Variants in ZFAT observed in about 807,000 individuals in gnomAD.
ZFAT encodes zinc finger and AT-hook domain containing.
In ZFAT, 64 loss-of-function variants were observed where a neutral mutation model predicts 117.7. That is an observed-to-expected ratio of 0.54 (90% CI 0.44 to 0.67). The LOEUF (loss-of-function observed/expected upper bound fraction) is 0.67, where lower values mean the gene tolerates loss of function less well. ZFAT is among the 30% of genes least tolerant of loss of function. The probability of loss-of-function intolerance (pLI) is 0.00; values close to 1 mark genes in which losing one functional copy is unlikely to be tolerated. For missense variants in ZFAT, 1,433 were observed against 1,584.5 expected (o/e 0.90, Z 1.62); for synonymous variants, 679 against 615.0 (o/e 1.10, Z -1.54).
intron 3 of ZFAT, among the ~76,000 whole-genome samples, chr8:134,616,210 T>C (rs1204464440): frequency 6.6e-6 from 1 of 152,196 alleles, no homozygotes; most frequent in African/African-American, 2.4e-5. Flanking sequence ...ACTGTGTGTT[T>C]CTCATCCCCA....
intron 15 of ZFAT, among the ~76,000 whole-genome samples, chr8:134,492,316 C>T (rs73355764): frequency 0.013 from 2,049 of 152,256 alleles, 51 homozygotes; most frequent in African/African-American, 0.046. Context: ...TTCCATACCT[C>T]GAGATCAAAG....
chr8:134,505,758 G>A (rs1819360885), intron 15 of ZFAT, among the ~76,000 whole-genome samples: 1 of 152,206 alleles, frequency 6.6e-6, no homozygotes, highest in African/African-American at 2.4e-5. Flanking sequence ...CAGAAACACT[G>A]TAGCTCTCTC....
chr8:134,738,241 G>A, the ZFAT span, among the ~76,000 whole-genome samples: 3 of 152,116 alleles, frequency 2.0e-5, no homozygotes, highest in South Asian at 2.1e-4. Context: ...GCCCCACCTA[G>A]CCTCCTCTCT....
rs113081432 is a variant in ZFAT at position 134,693,273 on chromosome 8, G to A, written c.19+19572C>T. Among the ~76,000 whole-genome samples, 3 of 152,186 alleles carry A rather than the reference G, an allele frequency of 2.0e-5. No individual in the cohort carries two copies. In the South Asian group the frequency reaches 6.2e-4, roughly 32 times the overall value. ...AATGAGCCCAGAATCTCTTGTACCA[G>A]AAGTAAGGAAGTCCTCACAAAAGCG... On this transcript the variant is annotated intron_variant, in intron 1 of 15. Coordinates refer to ENST00000377838, the MANE Select transcript of ZFAT (RefSeq NM_020863.4).
intron 15 of ZFAT, among the ~76,000 whole-genome samples, chr8:134,498,214 G>A (rs1586586736): frequency 1.2e-5 from 1 of 83,152 alleles, no homozygotes; most frequent in Non-Finnish European, 2.4e-5. Flanking sequence ...GGGTGGAGCT[G>A]GGATGCCCCC....
intron 2 of ZFAT, among the ~76,000 whole-genome samples, chr8:134,655,370 G>A (rs1001314979): frequency 2.6e-5 from 4 of 152,228 alleles, no homozygotes; most frequent in Non-Finnish European, 4.4e-5. Context: ...ATGAAAGGCG[G>A]GGTACGGTGG....
At chr8:134,559,192 C>T (rs536868812) in intron 11 of ZFAT, among the ~76,000 whole-genome samples, 1 of 152,314 alleles carries the variant, frequency 6.6e-6, no homozygotes, top group African/African-American at 2.4e-5. Flanking sequence ...ACTCTCAGCC[C>T]TGTCCCTCAG....
At chr8:134,681,771 T>G (rs1833081242) in intron 1 of ZFAT, among the ~76,000 whole-genome samples, 1 of 152,232 alleles carries the variant, frequency 6.6e-6, no homozygotes, top group Non-Finnish European at 1.5e-5. Flanking sequence ...TTTGTTTTCT[T>G]GTTTTTCATT....
intron 11 of ZFAT, among the ~76,000 whole-genome samples, chr8:134,538,748 G>T (rs1822026171): frequency 7.0e-6 from 1 of 143,190 alleles, no homozygotes; most frequent in African/African-American, 2.6e-5. Flanking sequence ...AGTGAGCCAA[G>T]ATTGCGCCAC....
intron 13 of ZFAT, 68 bp downstream of exon 13, chr8:134,520,815 T>A: frequency 8.1e-7 from 1 of 1,237,918 alleles, no homozygotes; most frequent in Non-Finnish European, 1.2e-6. Flanking sequence ...TGCCCAGTAT[T>A]TGGGTTTGCC....
chr8:134,736,610 A>G, the ZFAT span, among the ~76,000 whole-genome samples: 1 of 151,456 alleles, frequency 6.6e-6, no homozygotes, highest in Admixed American at 6.6e-5. Context: ...CTCTCTCTCT[A>G]CTGGGTCTTG....
intron 15 of ZFAT, among the ~76,000 whole-genome samples, chr8:134,490,319 C>T (rs180998722): frequency 6.6e-6 from 1 of 152,338 alleles, no homozygotes; most frequent in Admixed American, 6.5e-5. Context: ...AAAAGAGGGA[C>T]AAAGTCCCAT....
rs185419359 is a variant in ZFAT at position 134,657,859 on chromosome 8, T to C, written c.20-122A>G. On this transcript the variant is annotated intron_variant, in intron 1 of 15. Transcript: ENST00000377838. ...GCCATCACCAGCCTCTACCAGATTG[T>C]GTCTCTCTGGCAGTCACCTCCATGG... 2.8e-6 allele frequency: 3 copies of C among 1,090,048 alleles called. No individual in the cohort carries two copies. The Admixed American group carries it at 7.9e-5, about 29-fold the overall frequency. 67.5% of individuals were successfully genotyped at this position (1,090,048 alleles called of 1,614,324 possible).
intron 15 of ZFAT, among the ~76,000 whole-genome samples, chr8:134,489,032 G>GAA (rs77835938): frequency 5.4e-5 from 7 of 128,638 alleles, no homozygotes; most frequent in East Asian, 2.2e-4. Flanking sequence ...AAACAAAGAG[G>GAA]AAAAAAAAAA....
At chr8:134,490,825 A>C (rs28541656) in intron 15 of ZFAT, among the ~76,000 whole-genome samples, 76,635 of 151,944 alleles carry the variant, frequency 0.5, 19,776 homozygotes, top group African/African-American at 0.62. Context: ...CCTGCCTCCC[A>C]ACTACCCTCT....
At chr8:134,642,368 G>A (rs971997486) in intron 2 of ZFAT, among the ~76,000 whole-genome samples, 11 of 152,070 alleles carry the variant, frequency 7.2e-5, no homozygotes, top group South Asian at 2.1e-4. Context: ...TTTCCAATGC[G>A]AAAAATAAAC....
intron 15 of ZFAT, among the ~76,000 whole-genome samples, chr8:134,496,967 A>C (rs1482037669): frequency 2.6e-5 from 4 of 152,252 alleles, no homozygotes; most frequent in Non-Finnish European, 5.9e-5. Flanking sequence ...GGCAGGGGTT[A>C]TCCTGACATG....
At chr8:134,793,466 C>T in the ZFAT span, 2 of 152,204 alleles carry the variant, frequency 1.3e-5, no homozygotes, top group African/African-American at 4.8e-5. Context: ...ATTTTGGCAC[C>T]AGGGACAGGT....
At chr8:134,608,072 A>C (rs1022312756) in intron 5 of ZFAT, among the ~76,000 whole-genome samples, 4 of 152,366 alleles carry the variant, frequency 2.6e-5, no homozygotes, top group Non-Finnish European at 2.9e-5. Flanking sequence ...ACTAAAATAC[A>C]TCCACATAAT....
Sources: allele counts gnomAD v4.1 joint callset (sites outside exome capture counted in the v4.1 genomes callset), GRCh38; gene constraint gnomAD v4.1.1; transcripts MANE v1.5; gene names NCBI Gene and HGNC (gene_info 2026-07-23, HGNC 2026-07-21).